The following DIAPH3 variants were observed in gnomAD, a reference collection of about 807,000 sequenced individuals.
The protein encoded by DIAPH3 is protein diaphanous homolog 3.
A neutral mutation model predicts 144.3 loss-of-function variants in DIAPH3; 117 were observed. The observed-to-expected ratio is 0.81, with a 90% CI of 0.70 to 0.95. DIAPH3 has a LOEUF of 0.95. Among genes scored for constraint, DIAPH3 ranks in the 40% least tolerant of loss-of-function variants. DIAPH3 has a pLI of 0.00. For missense variants in DIAPH3, 1,421 were observed against 1,412.7 expected, an observed-to-expected ratio of 1.01 and a Z score of -0.09; for synonymous variants, 519 against 488.9, an observed-to-expected ratio of 1.06 and a Z score of -0.81.
chr13:59,793,680 A>T (rs2039436508), intron 25 of DIAPH3, among the ~76,000 whole-genome samples: 1 of 152,022 alleles, frequency 6.6e-6, no homozygotes, highest in Admixed American at 6.6e-5. Context: ...TGAATTTTCC[A>T]TTGGTGTTTT....
At chr13:59,938,551 G>C (rs1372453356) in intron 17 of DIAPH3, among the ~76,000 whole-genome samples, 1 of 152,006 alleles carries the variant, frequency 6.6e-6, no homozygotes, top group Admixed American at 6.6e-5. Context: ...TGAGGCTGCA[G>C]TGAGCTAAGA....
At chr13:59,972,862 G>A (rs1019684517) in intron 15 of DIAPH3, among the ~76,000 whole-genome samples, 5 of 149,316 alleles carry the variant, frequency 3.3e-5, no homozygotes, top group Non-Finnish European at 7.5e-5. Context: ...AAGAGACTAC[G>A]GGAGCAAAGG....
In DIAPH3 at chr13:59,865,770, G is replaced by A. The variant is rs535632385; in HGVS notation, c.2608-4234C>T. 3.9e-5 allele frequency among the ~76,000 whole-genome samples: 6 copies of A among 151,986 alleles called. No individual in the cohort carries two copies. The South Asian group carries it at 1.2e-3, about 32-fold the overall frequency. On this transcript the variant is annotated intron_variant, in intron 21 of 27. Transcript: ENST00000400324. Reference sequence around the variant, plus strand: ...TGCAAGGTTTGGGGATATTTTTGAGGTATTCAGCACAAATCTGGATGACAT... The same window carrying A: ...TGCAAGGTTTGGGGATATTTTTGAGATATTCAGCACAAATCTGGATGACAT...
chr13:59,686,405 A>G (rs1408206409), intron 27 of DIAPH3, among the ~76,000 whole-genome samples: 1 of 151,990 alleles, frequency 6.6e-6, no homozygotes, highest in African/African-American at 2.4e-5. Context: ...ATTCACATCA[A>G]TGTTCTACTC....
chr13:60,157,468 T>C (rs1952086897), intron 1 of DIAPH3, among the ~76,000 whole-genome samples: 1 of 152,246 alleles, frequency 6.6e-6, no homozygotes, highest in Non-Finnish European at 1.5e-5. Flanking sequence ...TCTGTTTCTC[T>C]ACAGAGGTTT....
At chr13:59,869,146 A>G (rs1433167032) in intron 21 of DIAPH3, among the ~76,000 whole-genome samples, 1 of 152,130 alleles carries the variant, frequency 6.6e-6, no homozygotes, top group African/African-American at 2.4e-5. Flanking sequence ...TCCAAAGTTG[A>G]TGTGCCACAT....
intron 17 of DIAPH3, among the ~76,000 whole-genome samples, chr13:59,946,870 A>C (rs1198170913): frequency 6.6e-6 from 1 of 152,194 alleles, no homozygotes; most frequent in Admixed American, 6.5e-5. Context: ...AAAAACTCTT[A>C]AGATAAAATG....
chr13:60,038,875 C>CT (rs11416273), intron 5 of DIAPH3, among the ~76,000 whole-genome samples: 99,164 of 151,788 alleles, frequency 0.65, 33,031 homozygotes, highest in African/African-American at 0.74. Context: ...TCTATAAATG[C>CT]TGATATCAAT....
chr13:59,957,183 C>T (rs1000473376), intron 17 of DIAPH3, among the ~76,000 whole-genome samples: 1 of 151,990 alleles, frequency 6.6e-6, no homozygotes, highest in Non-Finnish European at 1.5e-5. Flanking sequence ...AATGTGAGGA[C>T]GTGATATTTG....
intron 27 of DIAPH3, among the ~76,000 whole-genome samples, chr13:59,757,502 G>A (rs902837332): frequency 9.9e-5 from 14 of 140,902 alleles, no homozygotes; most frequent in African/African-American, 3.7e-4. Flanking sequence ...CCAGGTTCAC[G>A]CCATTCTCCT....
At chr13:59,740,112 C>T (rs1026550766) in intron 27 of DIAPH3, among the ~76,000 whole-genome samples, 3 of 152,138 alleles carry the variant, frequency 2.0e-5, no homozygotes, top group Non-Finnish European at 4.4e-5. Context: ...ACACCATTCA[C>T]ATTTTTGATA....
At chr13:59,959,777 A>G (rs2049635185) in intron 17 of DIAPH3, among the ~76,000 whole-genome samples, 1 of 152,196 alleles carries the variant, frequency 6.6e-6, no homozygotes, top group Non-Finnish European at 1.5e-5. Flanking sequence ...ATAGAATTAG[A>G]AGATGATAAA....
Position 59,898,134 on chromosome 13 carries a change from CAAAAAAAAAAAAAA to C in DIAPH3, c.2367+13587_2367+13600del, listed in dbSNP as rs34238599. 2.8e-4 allele frequency among the ~76,000 whole-genome samples: 20 copies of C among 72,194 alleles called. No individual in the cohort carries two copies. The Admixed American group carries it at 2.8e-3, about 10-fold the overall frequency. The allele number at this position is 72,194 out of a possible 152,430, so 47.4% of individuals were successfully genotyped here. A position where few individuals can be genotyped will look rare whatever the true frequency, so the allele number is the denominator to read the frequency against. On this transcript the variant is annotated intron_variant, in intron 20 of 27. Transcript: ENST00000400324. ...TGGGTGACAGAGTGAGACTCTGCCT[CAAAAAAAAAAAAAA>C]AAAAAAAAGAAAAAGAAAAAAGAAA... is the stretch of plus-strand genomic sequence containing the variant.
chr13:59,668,821 A>G (rs986358559), intron 27 of DIAPH3, among the ~76,000 whole-genome samples: 1 of 141,046 alleles, frequency 7.1e-6, no homozygotes, highest in Admixed American at 7.5e-5. Flanking sequence ...CTATATATAT[A>G]CACATATATA....
intron 27 of DIAPH3, among the ~76,000 whole-genome samples, chr13:59,700,659 A>G (rs1275595706): frequency 2.6e-5 from 4 of 152,138 alleles, no homozygotes; most frequent in Admixed American, 1.3e-4. Flanking sequence ...CTTCCAGAGG[A>G]TAAAGCCAGT....
intron 17 of DIAPH3, among the ~76,000 whole-genome samples, chr13:59,959,715 C>T (rs1172047222): frequency 2.0e-5 from 3 of 152,176 alleles, no homozygotes; most frequent in African/African-American, 7.2e-5. Flanking sequence ...TCCAGAGCAT[C>T]AAGAACATGG....
intron 4 of DIAPH3, among the ~76,000 whole-genome samples, chr13:60,047,837 C>T (rs1035615698): frequency 6.6e-6 from 1 of 152,100 alleles, no homozygotes; most frequent in African/African-American, 2.4e-5. Flanking sequence ...TAAGCACAAA[C>T]CAGGAGAAAA....
At chr13:60,051,714 G>A (rs1251688270) in intron 4 of DIAPH3, among the ~76,000 whole-genome samples, 1 of 152,114 alleles carries the variant, frequency 6.6e-6, no homozygotes, top group Non-Finnish European at 1.5e-5. Context: ...TGCAAGGAAA[G>A]TTTATCACTG....
At chr13:59,742,744 A>G (rs2139059307) in intron 27 of DIAPH3, among the ~76,000 whole-genome samples, 1 of 142,852 alleles carries the variant, frequency 7.0e-6, no homozygotes, top group African/African-American at 2.6e-5. Context: ...GCAGATCAAG[A>G]CATGTCTCTT....
Sources: gnomAD v4.1 joint callset for allele counts (sites outside exome capture counted in the v4.1 genomes callset) on GRCh38, gnomAD v4.1.1 for gene constraint, MANE v1.5 for transcripts, NCBI Gene and HGNC (gene_info 2026-07-23, HGNC 2026-07-21) for gene names.